The following COL5A2 variants were observed in gnomAD, a reference collection of about 807,000 sequenced individuals.
COL5A2 encodes collagen alpha-2(V) chain.
In COL5A2, 23 loss-of-function variants were observed where a neutral mutation model predicts 208.2. That is an observed-to-expected ratio of 0.11 (90% CI 0.08 to 0.16). The LOEUF is 0.16. COL5A2 is among the 10% of genes least tolerant of loss of function. COL5A2 has a pLI of 1.00. For missense variants in COL5A2, 1,590 were observed against 1,956.4 expected (o/e 0.81, Z 3.53); for synonymous variants, 625 against 628.5 (o/e 0.99, Z 0.08).
upstream of COL5A2, among the ~76,000 whole-genome samples, chr2:189,226,086 A>G (rs142799488): frequency 1.1e-3 from 164 of 152,272 alleles, no homozygotes; most frequent in African/African-American, 3.5e-3. Flanking sequence ...CATCACATAA[A>G]CACTTCAGTT....
chr2:189,203,966 C>T (rs1689111440), intron 1 of COL5A2, among the ~76,000 whole-genome samples: 1 of 151,664 alleles, frequency 6.6e-6, no homozygotes, highest in Admixed American at 6.6e-5. Context: ...GGCGCCATCT[C>T]GGCTCACTGC....
chr2:189,177,668 G>A (rs564950297), intron 1 of COL5A2, among the ~76,000 whole-genome samples: 9 of 152,134 alleles, frequency 5.9e-5, no homozygotes, highest in South Asian at 4.1e-4. Context: ...TATACTGTTC[G>A]CGGGGGGTAC....
intron 2 of COL5A2, among the ~76,000 whole-genome samples, chr2:189,107,849 T>C (rs1687181015): frequency 1.3e-5 from 2 of 151,692 alleles, no homozygotes; most frequent in African/African-American, 2.4e-5. Context: ...GTTTAGACAG[T>C]TTCTATTAGT....
At chr2:189,114,132 G>C (rs1687340267) in intron 1 of COL5A2, among the ~76,000 whole-genome samples, 1 of 152,194 alleles carries the variant, frequency 6.6e-6, no homozygotes, top group African/African-American at 2.4e-5. Flanking sequence ...GATGTGGAAA[G>C]TTAGTTGGAA....
intron 6 of COL5A2, among the ~76,000 whole-genome samples, chr2:189,096,681 T>C (rs1035858995): frequency 1.3e-5 from 2 of 151,636 alleles, no homozygotes; most frequent in African/African-American, 4.8e-5. Flanking sequence ...ACAATATGTA[T>C]TCTGTGCAGA....
chr2:189,037,701 A>G (rs1226749526), intron 51 of COL5A2, among the ~76,000 whole-genome samples: 1 of 152,188 alleles, frequency 6.6e-6, no homozygotes, highest in Non-Finnish European at 1.5e-5. Flanking sequence ...TGATTCCAAA[A>G]TGTCTTGGAA....
chr2:189,231,807 T>C, the COL5A2 span, among the ~76,000 whole-genome samples: 91,081 of 151,368 alleles, frequency 0.6, 28,470 homozygotes, highest in East Asian at 0.72. Flanking sequence ...TTTTCCATTC[T>C]CTGTTCCAAC....
intron 1 of COL5A2, among the ~76,000 whole-genome samples, chr2:189,202,798 G>C (rs76829367): frequency 0.023 from 3,428 of 152,194 alleles, 137 homozygotes; most frequent in African/African-American, 0.079. Context: ...AGTGGAATCA[G>C]AGACATAAAA....
At chr2:189,039,635 A>G (rs1685517352) in intron 50 of COL5A2, 72 bp from the exon 51 acceptor site, 3 of 1,483,724 alleles carry the variant, frequency 2.0e-6, no homozygotes, top group Admixed American at 1.9e-5. Context: ...AACTTGGTTC[A>G]TAGGGAGTTC....
the COL5A2 span, among the ~76,000 whole-genome samples, chr2:189,438,459 A>G: frequency 6.6e-6 from 1 of 152,216 alleles, no homozygotes; most frequent in Non-Finnish European, 1.5e-5. Flanking sequence ...CTGGGGGTAA[A>G]ACACATTCAA....
chr2:189,231,984 G>A, the COL5A2 span, among the ~76,000 whole-genome samples: 117 of 151,800 alleles, frequency 7.7e-4, 1 homozygote, highest in African/African-American at 2.8e-3. Flanking sequence ...AAGGAAGAAA[G>A]GTCTCTGTCC....
chr2:189,125,887 T>A (rs1217199443), intron 1 of COL5A2, among the ~76,000 whole-genome samples: 1 of 152,016 alleles, frequency 6.6e-6, no homozygotes, highest in Non-Finnish European at 1.5e-5. Context: ...TCTCATAAAA[T>A]TAAGAGAAAG....
intron 1 of COL5A2, among the ~76,000 whole-genome samples, chr2:189,215,509 G>A (rs1576588306): frequency 6.6e-6 from 1 of 151,326 alleles, no homozygotes; most frequent in African/African-American, 2.4e-5. Flanking sequence ...TTGATATATT[G>A]GATTAAATAA....
intron 1 of COL5A2, among the ~76,000 whole-genome samples, chr2:189,154,203 T>A (rs913092137): frequency 6.6e-6 from 1 of 152,202 alleles, no homozygotes; most frequent in South Asian, 2.1e-4. Context: ...TCAGAAACTC[T>A]ATTTTTTATT....
chr2:189,379,801 C>T, the COL5A2 span, among the ~76,000 whole-genome samples: 51 of 152,286 alleles, frequency 3.3e-4, no homozygotes, highest in East Asian at 4.4e-3. Flanking sequence ...ATTTGGGAAA[C>T]TCTACATTCT....
intron 2 of COL5A2, among the ~76,000 whole-genome samples, chr2:189,107,027 T>G (rs889650036): frequency 3.4e-4 from 52 of 151,542 alleles, no homozygotes; most frequent in Non-Finnish European, 8.9e-5. Flanking sequence ...TCATAGTTTT[T>G]TGTGTGTGTC....
chr2:189,058,011 G>C (rs10165488), intron 33 of COL5A2, among the ~76,000 whole-genome samples: 325 of 152,218 alleles, frequency 2.1e-3, no homozygotes, highest in African/African-American at 7.3e-3. Context: ...GATTTTAAAA[G>C]TTCCATATTT....
the COL5A2 span, among the ~76,000 whole-genome samples, chr2:189,356,598 C>T: frequency 2.0e-5 from 3 of 152,276 alleles, no homozygotes; most frequent in East Asian, 5.8e-4. Context: ...CATGTATGCT[C>T]TTCTCTAAAC....
the COL5A2 span, among the ~76,000 whole-genome samples, chr2:189,422,550 T>C: frequency 6.6e-6 from 1 of 152,192 alleles, no homozygotes; most frequent in Non-Finnish European, 1.5e-5. Context: ...TTAGGTCAAC[T>C]GAACCTAATG....
Sources: gnomAD v4.1 joint callset for allele counts (sites outside exome capture counted in the v4.1 genomes callset) on GRCh38, gnomAD v4.1.1 for gene constraint, MANE v1.5 for transcripts, NCBI Gene and HGNC (gene_info 2026-07-23, HGNC 2026-07-21) for gene names.